METAP1D: variants seen among roughly 807,000 people sequenced by gnomAD.
METAP1D encodes the protein methionyl aminopeptidase type 1D, mitochondrial.
METAP1D carries 31 observed loss-of-function variants against 40.5 expected under a neutral mutation model. The ratio of observed to expected loss-of-function variants is 0.77; its 90% CI spans 0.58 to 1.03. METAP1D has a LOEUF of 1.03. Ranked by LOEUF, METAP1D falls within the 50% of genes least tolerant of loss-of-function variation. The pLI, the probability that METAP1D is intolerant of heterozygous loss-of-function variation, is 0.00. For missense variants in METAP1D, 411 were observed against 420.7 expected, an observed-to-expected ratio of 0.98 and a Z score of 0.20; for synonymous variants, 151 against 146.4, an observed-to-expected ratio of 1.03 and a Z score of -0.22.
At chr2:172,065,822 T>C (rs17615589) in intron 4 of METAP1D, 70 bp downstream of exon 4, 27 of 1,473,218 alleles carry the variant, frequency 1.8e-5, no homozygotes, top group Non-Finnish European at 2.5e-5. Flanking sequence ...GTAACATATG[T>C]TGAAAGACAC....
intron 1 of METAP1D, among the ~76,000 whole-genome samples, chr2:172,041,513 T>C (rs1204773441): frequency 8.0e-6 from 1 of 125,460 alleles, no homozygotes; most frequent in Non-Finnish European, 1.8e-5. Flanking sequence ...AATAAGGTGT[T>C]GTGTGACCTG....
At chr2:172,067,778 A>G (rs1362223100) in intron 5 of METAP1D, among the ~76,000 whole-genome samples, 1 of 152,226 alleles carries the variant, frequency 6.6e-6, no homozygotes, top group Non-Finnish European at 1.5e-5. Context: ...TTAACATTCA[A>G]ATTACTTCAC....
chr2:172,039,752 C>T (rs544391787), intron 1 of METAP1D, among the ~76,000 whole-genome samples: 1 of 150,360 alleles, frequency 6.7e-6, no homozygotes, highest in East Asian at 2.0e-4. Flanking sequence ...ACTGCAACCT[C>T]CGCCTCCCGG....
intron 9 of METAP1D, 36 bp downstream of exon 9, chr2:172,080,242 TG>T (rs1247575134): frequency 1.2e-6 from 2 of 1,613,790 alleles, no homozygotes; most frequent in East Asian, 4.5e-5. Flanking sequence ...TTAAATTGTA[TG>T]GGAAAGGAAG....
intron 1 of METAP1D, among the ~76,000 whole-genome samples, chr2:172,032,790 T>C (rs968668720): frequency 6.6e-6 from 1 of 152,166 alleles, no homozygotes; most frequent in Non-Finnish European, 1.5e-5. Flanking sequence ...AGGCCGGGCG[T>C]GGTGGCTCAC....
rs2105509201 is a variant in METAP1D at position 172,080,656 on chromosome 2, G to A, written c.*250G>A. 2 of 593,434 alleles carry A rather than the reference G, an allele frequency of 3.4e-6. No individual in the cohort carries two copies. The highest frequency in any genetic ancestry group is 6.0e-6 in the Non-Finnish European group (2 of 334,360). 36.8% of individuals were successfully genotyped at this position (593,434 alleles called of 1,614,324 possible). ...GACTCGGTTTCCCAGCGCGGTCAAC[G>A]CATCTGGAGGGGACTGGAGGAAACC... is the stretch of plus-strand genomic sequence containing the variant. On this transcript the variant is annotated 3_prime_UTR_variant, in exon 10 of 10. Coordinates refer to ENST00000315796, the MANE Select transcript of METAP1D (RefSeq NM_199227.3).
At chr2:172,072,806 C>T (rs914364147) in intron 6 of METAP1D, among the ~76,000 whole-genome samples, 2 of 152,098 alleles carry the variant, frequency 1.3e-5, no homozygotes, top group East Asian at 1.9e-4. Flanking sequence ...AATTGAGCCT[C>T]TTTGTAGCAA....
intron 7 of METAP1D, 24 bp from the exon 8 acceptor site, chr2:172,079,191 C>G: frequency 6.2e-7 from 1 of 1,612,024 alleles, no homozygotes; most frequent in Non-Finnish European, 8.5e-7. Context: ...CCTATTCTCA[C>G]CCCCCATGTT....
chr2:172,000,048 G>A, intron 1 of METAP1D, 39 bp downstream of exon 1: 1 of 1,275,026 alleles, frequency 7.8e-7, no homozygotes, highest in Non-Finnish European at 1.0e-6. Flanking sequence ...GGTTCGCACG[G>A]TTGCTCACTA....
chr2:172,027,663 A>C (rs1315244619), intron 1 of METAP1D, among the ~76,000 whole-genome samples: 2 of 152,258 alleles, frequency 1.3e-5, no homozygotes, highest in Non-Finnish European at 2.9e-5. Flanking sequence ...TGTATGTCAT[A>C]TTCCCTTCTG....
intron 1 of METAP1D, among the ~76,000 whole-genome samples, chr2:172,031,428 G>T (rs891945536): frequency 2.0e-5 from 3 of 152,144 alleles, no homozygotes; most frequent in Admixed American, 2.0e-4. Flanking sequence ...GGCAAAGCCT[G>T]TCCTTTATAA....
chr2:172,019,393 G>A (rs983059032), intron 1 of METAP1D, among the ~76,000 whole-genome samples: 4 of 151,866 alleles, frequency 2.6e-5, no homozygotes, highest in Admixed American at 2.0e-4. Flanking sequence ...TTTTCCAACC[G>A]CAAAACAAGA....
intron 1 of METAP1D, among the ~76,000 whole-genome samples, chr2:172,004,082 T>C (rs114288600): frequency 0.029 from 4,343 of 152,218 alleles, 76 homozygotes; most frequent in Middle Eastern, 0.044. Flanking sequence ...TTACTTATTT[T>C]TAACAAATAT....
rs1690708727 is a variant in METAP1D at position 172,081,296 on chromosome 2, C to T, written c.*890C>T. The T allele has an allele frequency of 6.6e-6, 1 of 152,466 alleles. No individual in the cohort carries two copies. The highest frequency in any genetic ancestry group is 2.4e-5 in the African/African-American group (1 of 41,460). 9.4% of individuals were successfully genotyped at this position (152,466 alleles called of 1,614,324 possible). A position where few individuals can be genotyped will look rare whatever the true frequency, so the allele number is the denominator to read the frequency against. Reference sequence around the variant, plus strand: ...GGCGGTCTAGTCTCTAAAATGACCCCTCCCCAGACTGGCCCTTCTCGCATC... The same window carrying T: ...GGCGGTCTAGTCTCTAAAATGACCCTTCCCCAGACTGGCCCTTCTCGCATC... On this transcript the variant is annotated 3_prime_UTR_variant, in exon 10 of 10. Transcript: ENST00000315796.
chr2:172,041,458 C>CAAA (rs782636305), intron 1 of METAP1D, among the ~76,000 whole-genome samples: 1,517 of 94,868 alleles, frequency 0.016, 75 homozygotes, highest in African/African-American at 0.047. Context: ...GACTCTGTAT[C>CAAA]AAAAAAAAAA....
intron 1 of METAP1D, among the ~76,000 whole-genome samples, chr2:172,035,241 T>A (rs142492193): frequency 2.6e-5 from 4 of 151,964 alleles, no homozygotes; most frequent in Admixed American, 6.6e-5. Flanking sequence ...CTCAGCTCAC[T>A]GCAAGCTCCG....
chr2:172,000,244 C>T (rs1343378073), intron 1 of METAP1D, among the ~76,000 whole-genome samples: 1 of 152,234 alleles, frequency 6.6e-6, no homozygotes, highest in Non-Finnish European at 1.5e-5. Context: ...GGCATCTTTT[C>T]GCAATTACTC....
At chr2:172,058,706 A>G (rs943934967) in intron 1 of METAP1D, among the ~76,000 whole-genome samples, 1 of 152,186 alleles carries the variant, frequency 6.6e-6, no homozygotes, top group Admixed American at 6.5e-5. Flanking sequence ...TAAAGAAATG[A>G]TATTACTGAC....
intron 1 of METAP1D, among the ~76,000 whole-genome samples, chr2:172,058,949 G>A (rs1171616168): frequency 6.6e-6 from 1 of 152,148 alleles, no homozygotes; most frequent in Non-Finnish European, 1.5e-5. Flanking sequence ...ATGTTTCACA[G>A]CTGAAATGTT....
Sources: allele counts gnomAD v4.1 joint callset (sites outside exome capture counted in the v4.1 genomes callset), GRCh38; gene constraint gnomAD v4.1.1; transcripts MANE v1.5; gene names NCBI Gene and HGNC (gene_info 2026-07-23, HGNC 2026-07-21).